The following PKN2 variants were observed in gnomAD, a reference collection of about 807,000 sequenced individuals.
PKN2 encodes protein kinase N2.
In PKN2, 38 loss-of-function variants were observed where a neutral mutation model predicts 119.1. That is an observed-to-expected ratio of 0.32 (90% CI 0.25 to 0.42). The LOEUF is 0.42. PKN2 is among the 10% of genes least tolerant of loss of function. The pLI is 1.00. For synonymous variants in PKN2, 390 were observed against 384.9 expected (o/e 1.01, Z -0.15); for missense variants, 850 against 1,165.1 (o/e 0.73, Z 3.94).
chr1:88,693,477 G>A (rs1666410601), intron 1 of PKN2, among the ~76,000 whole-genome samples: 1 of 152,156 alleles, frequency 6.6e-6, no homozygotes, highest in Non-Finnish European at 1.5e-5. Context: ...CTTGGAAACT[G>A]ACTTTAAGCA....
intron 2 of PKN2, among the ~76,000 whole-genome samples, chr1:88,748,366 T>A (rs1449670991): frequency 6.6e-6 from 1 of 151,072 alleles, no homozygotes; most frequent in Non-Finnish European, 1.5e-5. Flanking sequence ...TTTTGAGAAT[T>A]TTTTCCCTCC....
chr1:88,713,085 C>G (rs929796018), intron 1 of PKN2, among the ~76,000 whole-genome samples: 12 of 152,184 alleles, frequency 7.9e-5, no homozygotes, highest in African/African-American at 2.7e-4. Flanking sequence ...TCATCCATGT[C>G]CCTACAAAGG....
intron 15 of PKN2, among the ~76,000 whole-genome samples, chr1:88,808,733 T>A (rs181013453): frequency 6.6e-6 from 1 of 152,322 alleles, no homozygotes; most frequent in East Asian, 1.9e-4. Flanking sequence ...AAATGGCATA[T>A]TTATCACAGA....
At chr1:88,728,810 C>T (rs1033138553) in intron 1 of PKN2, among the ~76,000 whole-genome samples, 4 of 151,528 alleles carry the variant, frequency 2.6e-5, no homozygotes, top group African/African-American at 9.7e-5. Context: ...TCATTATGAA[C>T]TCATATTTAG....
intron 1 of PKN2, among the ~76,000 whole-genome samples, chr1:88,728,893 TC>T (rs1226320096): frequency 7.1e-6 from 1 of 141,346 alleles, no homozygotes; most frequent in African/African-American, 3.0e-5. Flanking sequence ...AACATCCCCA[TC>T]TTTTTTTTTT....
In PKN2 at chr1:88,764,759, G is replaced by A. The variant is rs530037648; in HGVS notation, c.504+4383G>A. On this transcript the variant is annotated intron_variant, in intron 3 of 21. Coordinates refer to ENST00000370521, the MANE Select transcript of PKN2 (RefSeq NM_006256.4). Reference sequence around the variant, plus strand: ...GAATGGGATGCAGTTATTTTACCCCGTTACATAAGTAGTATAGCTTGCCAT... The same window carrying A: ...GAATGGGATGCAGTTATTTTACCCCATTACATAAGTAGTATAGCTTGCCAT... Among the ~76,000 whole-genome samples the A allele has an allele frequency of 4.6e-5, 7 of 152,196 alleles. No individual in the cohort carries two copies. In the East Asian group the frequency reaches 7.7e-4, roughly 17 times the overall value.
At chr1:88,692,487 T>C (rs776102735) in intron 1 of PKN2, among the ~76,000 whole-genome samples, 12 of 152,198 alleles carry the variant, frequency 7.9e-5, no homozygotes, top group Non-Finnish European at 1.8e-4. Flanking sequence ...TAGCAATATA[T>C]GAAATAAAAG....
intron 1 of PKN2, among the ~76,000 whole-genome samples, chr1:88,718,944 T>G (rs1001692254): frequency 1.3e-5 from 2 of 152,236 alleles, no homozygotes; most frequent in African/African-American, 4.8e-5. Flanking sequence ...TTTTGTTGAA[T>G]GAAACCTTCT....
In PKN2 at chr1:88,776,086, T is replaced by G. The variant is rs988389583; in HGVS notation, c.985+4207T>G. Reference sequence around the variant, plus strand: ...TCGTGCCACTGCACTCCAGCCTGGGTGACAGAGCGAGACTCCGTCTCAAAA... The same window carrying G: ...TCGTGCCACTGCACTCCAGCCTGGGGGACAGAGCGAGACTCCGTCTCAAAA... On this transcript the variant is annotated intron_variant, in intron 6 of 21. Transcript: ENST00000370521. Among the ~76,000 whole-genome samples, 12 of 148,540 alleles carry G rather than the reference T, an allele frequency of 8.1e-5. No individual in the cohort carries two copies. In the East Asian group the frequency reaches 2.2e-3, roughly 27 times the overall value.
rs371031954 is a variant in PKN2, at chr1:88,836,164, T to C, written c.*2716T>C. 6.6e-6 allele frequency: 1 copy of C among 152,136 alleles called. No individual in the cohort carries two copies. Among genetic ancestry groups the C allele is most frequent in the Non-Finnish European group, 1.5e-5 (1 of 68,008 alleles). 9.4% of individuals were successfully genotyped at this position (152,136 alleles called of 1,614,324 possible). On this transcript the variant is annotated 3_prime_UTR_variant, in exon 22 of 22. Transcript: ENST00000370521. ...TTTAATTAAGATGCAAGCACCAGTA[T>C]TGTATGTACTTTTCTCTTGTTTGAG... is the stretch of plus-strand genomic sequence containing the variant.
At chr1:88,709,146 C>T (rs890733076) in intron 1 of PKN2, among the ~76,000 whole-genome samples, 11 of 151,838 alleles carry the variant, frequency 7.2e-5, no homozygotes, top group South Asian at 2.1e-4. Context: ...CTCCGCTTCC[C>T]GGGTACAAGT....
At chr1:88,699,268 C>T (rs757229805) in intron 1 of PKN2, among the ~76,000 whole-genome samples, 1 of 152,038 alleles carries the variant, frequency 6.6e-6, no homozygotes, top group Non-Finnish European at 1.5e-5. Flanking sequence ...ATTTTTCTTT[C>T]GGCTCACTAA....
chr1:88,786,769 C>T (rs1044388664), intron 8 of PKN2, among the ~76,000 whole-genome samples: 7 of 151,858 alleles, frequency 4.6e-5, no homozygotes, highest in South Asian at 4.2e-4. Context: ...AAAACGTAAT[C>T]GTAATTTTAT....
intron 1 of PKN2, among the ~76,000 whole-genome samples, chr1:88,734,571 T>A (rs1668265789): frequency 6.6e-6 from 1 of 152,240 alleles, no homozygotes; most frequent in Non-Finnish European, 1.5e-5. Flanking sequence ...TTTATACCAG[T>A]AGCATGCTAT....
chr1:88,702,266 A>C (rs1238863239), intron 1 of PKN2, among the ~76,000 whole-genome samples: 1 of 152,156 alleles, frequency 6.6e-6, no homozygotes, highest in East Asian at 1.9e-4. Context: ...GGTTGGGCAC[A>C]GTTTTTATTT....
intron 19 of PKN2, chr1:88,829,180 G>A: frequency 6.8e-6 from 5 of 739,246 alleles, no homozygotes; most frequent in East Asian, 5.0e-5. Context: ...TCATCCGATG[G>A]CCATGAATTT....
intron 1 of PKN2, among the ~76,000 whole-genome samples, chr1:88,689,161 CTT>C (rs1666233992): frequency 6.6e-6 from 1 of 152,100 alleles, no homozygotes; most frequent in African/African-American, 2.4e-5. Flanking sequence ...TTAAGACAGA[CTT>C]TACATTGTTT....
At chr1:88,700,817 G>A (rs1046335568) in intron 1 of PKN2, among the ~76,000 whole-genome samples, 2 of 152,182 alleles carry the variant, frequency 1.3e-5, no homozygotes, top group East Asian at 1.9e-4. Context: ...ATTCACTTCT[G>A]TCTGACAGTG....
chr1:88,810,244 C>T (rs923408045), intron 15 of PKN2, among the ~76,000 whole-genome samples: 1 of 151,836 alleles, frequency 6.6e-6, no homozygotes, highest in African/African-American at 2.4e-5. Context: ...CCTCAGCCTC[C>T]CTAGTAGCTG....
Sources: allele counts gnomAD v4.1 joint callset (sites outside exome capture counted in the v4.1 genomes callset), GRCh38; gene constraint gnomAD v4.1.1; transcripts MANE v1.5; gene names NCBI Gene and HGNC (gene_info 2026-07-23, HGNC 2026-07-21).